PRR16: variants seen among roughly 807,000 people sequenced by gnomAD.
PRR16 encodes the protein proline rich 16, also known as protein Largen.
PRR16 carries 6 observed loss-of-function variants against 18.2 expected under a neutral mutation model. That is an observed-to-expected ratio of 0.33 (90% CI 0.18 to 0.65). The LOEUF is 0.65. Ranked by LOEUF, PRR16 falls within the 30% of genes least tolerant of loss-of-function variation. The pLI is 0.74. For synonymous variants in PRR16, 151 were observed against 147.8 expected, an observed-to-expected ratio of 1.02 and a Z score of -0.16; for missense variants, 412 against 376.6, an observed-to-expected ratio of 1.09 and a Z score of -0.78.
At chr5:120,667,572 G>C (rs1056285024) in intron 1 of PRR16, among the ~76,000 whole-genome samples, 1 of 150,862 alleles carries the variant, frequency 6.6e-6, no homozygotes, top group African/African-American at 2.4e-5. Context: ...GATTTTTCCT[G>C]CTTTCTCTTG....
At chr5:120,698,112 G>A in the PRR16 span, among the ~76,000 whole-genome samples, 1 of 152,190 alleles carries the variant, frequency 6.6e-6, no homozygotes, top group African/African-American at 2.4e-5. Flanking sequence ...ACTTTTTGGG[G>A]GTGGTATGGA....
At chr5:120,594,864 C>T (rs891216397) in intron 1 of PRR16, among the ~76,000 whole-genome samples, 1 of 151,740 alleles carries the variant, frequency 6.6e-6, no homozygotes, top group African/African-American at 2.4e-5. Flanking sequence ...GGAAAGGACT[C>T]CCTATTCAAT....
At chr5:120,536,935 C>A (rs565645227) in intron 1 of PRR16, among the ~76,000 whole-genome samples, 2 of 152,262 alleles carry the variant, frequency 1.3e-5, no homozygotes, top group Admixed American at 1.3e-4. Context: ...AGCTGATTAG[C>A]ACAGGAACAG....
intron 1 of PRR16, among the ~76,000 whole-genome samples, chr5:120,544,677 T>C (rs1752020883): frequency 6.6e-6 from 1 of 152,130 alleles, no homozygotes; most frequent in South Asian, 2.1e-4. Context: ...CACACTCACA[T>C]TCATAAAGTC....
intron 1 of PRR16, among the ~76,000 whole-genome samples, chr5:120,508,185 A>G (rs1750707432): frequency 6.6e-6 from 1 of 152,100 alleles, no homozygotes; most frequent in Admixed American, 6.6e-5. Context: ...CTGGAATAAA[A>G]ATAGGAATAT....
At chr5:120,627,518 A>G (rs1018524398) in intron 1 of PRR16, among the ~76,000 whole-genome samples, 1 of 152,102 alleles carries the variant, frequency 6.6e-6, no homozygotes, top group Non-Finnish European at 1.5e-5. Flanking sequence ...GGCATCTACC[A>G]ATAGACAGAT....
intron 1 of PRR16, among the ~76,000 whole-genome samples, chr5:120,530,287 ATTTATT>A (rs1751509590): frequency 6.3e-4 from 83 of 132,328 alleles, no homozygotes; most frequent in Middle Eastern, 3.9e-3. Context: ...ATATATATTT[ATTTATT>A]TATTTATTTA....
chr5:120,529,681 A>C (rs551268058), intron 1 of PRR16, among the ~76,000 whole-genome samples: 9 of 152,166 alleles, frequency 5.9e-5, no homozygotes, highest in Non-Finnish European at 1.2e-4. Flanking sequence ...AAAAATCCTT[A>C]AACATCCACT....
intron 1 of PRR16, among the ~76,000 whole-genome samples, chr5:120,515,639 A>T (rs916186771): frequency 2.0e-5 from 3 of 152,168 alleles, no homozygotes; most frequent in African/African-American, 4.8e-5. Context: ...TCACTGAAAA[A>T]AACCCAGATT....
the PRR16 span, among the ~76,000 whole-genome samples, chr5:120,698,361 AT>A: frequency 6.6e-6 from 1 of 152,102 alleles, no homozygotes; most frequent in Non-Finnish European, 1.5e-5. Context: ...AGGTCTAAGA[AT>A]TGGGAGGACC....
intron 1 of PRR16, among the ~76,000 whole-genome samples, chr5:120,660,002 T>C (rs1401835719): frequency 6.6e-6 from 1 of 152,020 alleles, no homozygotes; most frequent in Non-Finnish European, 1.5e-5. Context: ...ATGCATTCTG[T>C]AGTTCAGATC....
At chr5:120,731,080 A>G in the PRR16 span, among the ~76,000 whole-genome samples, 2 of 152,316 alleles carry the variant, frequency 1.3e-5, no homozygotes. Flanking sequence ...TATGGCATTT[A>G]GGTTTCCCAT....
the PRR16 span, among the ~76,000 whole-genome samples, chr5:120,771,860 T>C: frequency 6.6e-6 from 1 of 152,032 alleles, no homozygotes; most frequent in African/African-American, 2.4e-5. Flanking sequence ...ATATGAATTA[T>C]GTAGCCATTA....
chr5:120,699,679 C>T, the PRR16 span, among the ~76,000 whole-genome samples: 13 of 152,076 alleles, frequency 8.5e-5, no homozygotes, highest in Non-Finnish European at 1.5e-4. Flanking sequence ...AGCCGCTGCA[C>T]GCAGACATGA....
chr5:120,490,986 A>G (rs1580639330), intron 1 of PRR16, among the ~76,000 whole-genome samples: 1 of 152,140 alleles, frequency 6.6e-6, no homozygotes, highest in East Asian at 1.9e-4. Flanking sequence ...TGAACAGCAA[A>G]TGTTGCTGCC....
At chr5:120,742,127 A>G in the PRR16 span, among the ~76,000 whole-genome samples, 1 of 151,972 alleles carries the variant, frequency 6.6e-6, no homozygotes, top group South Asian at 2.1e-4. Flanking sequence ...TTTATACAAT[A>G]TATAATATTT....
chr5:120,778,851 T>C, the PRR16 span, among the ~76,000 whole-genome samples: 1 of 152,186 alleles, frequency 6.6e-6, no homozygotes, highest in Non-Finnish European at 1.5e-5. Context: ...TTTGATCGCT[T>C]GTCTAATGCA....
At chr5:120,527,260 G>A (rs141333492) in intron 1 of PRR16, among the ~76,000 whole-genome samples, 84 of 152,252 alleles carry the variant, frequency 5.5e-4, no homozygotes, top group African/African-American at 1.8e-3. Context: ...CTTTTTGTAC[G>A]TAAGTCTACA....
At chr5:120,725,901 A>G in the PRR16 span, among the ~76,000 whole-genome samples, 1 of 152,076 alleles carries the variant, frequency 6.6e-6, no homozygotes, top group South Asian at 2.1e-4. Context: ...CATCTAAGGA[A>G]GGAAATTAAT....
Sources: allele counts gnomAD v4.1 joint callset (sites outside exome capture counted in the v4.1 genomes callset), GRCh38; gene constraint gnomAD v4.1.1; transcripts MANE v1.5; gene names NCBI Gene and HGNC (gene_info 2026-07-23, HGNC 2026-07-21).